CD109: variants seen among roughly 807,000 people sequenced by gnomAD.
The protein encoded by CD109 is CD109 molecule, also known as CD109 antigen.
CD109 carries 149 observed loss-of-function variants against 165.8 expected under a neutral mutation model. The observed-to-expected ratio is 0.90, with a 90% CI of 0.79 to 1.03. The LOEUF (loss-of-function observed/expected upper bound fraction) is 1.03. Among genes scored for constraint, CD109 ranks in the 50% least tolerant of loss-of-function variants. The pLI, the probability that CD109 is intolerant of heterozygous loss-of-function variation, is 0.00. For missense variants in CD109, 1,712 were observed against 1,677.8 expected, an observed-to-expected ratio of 1.02 and a Z score of -0.36; for synonymous variants, 585 against 592.1, an observed-to-expected ratio of 0.99 and a Z score of 0.18.
chr6:73,743,304 T>C (rs1282736598), intron 5 of CD109, among the ~76,000 whole-genome samples: 2 of 152,216 alleles, frequency 1.3e-5, no homozygotes, highest in Non-Finnish European at 2.9e-5. Context: ...CTTAAGCCAT[T>C]GTTAGAGGTG....
chr6:73,794,893 T>C (rs1002802262), intron 23 of CD109, among the ~76,000 whole-genome samples: 3 of 151,956 alleles, frequency 2.0e-5, no homozygotes, highest in Admixed American at 1.3e-4. Flanking sequence ...ATTGGTCGTG[T>C]TTTAAATATA....
At chr6:73,745,556 A>G (rs1772952862) in intron 5 of CD109, among the ~76,000 whole-genome samples, 1 of 152,138 alleles carries the variant, frequency 6.6e-6, no homozygotes, top group South Asian at 2.1e-4. Context: ...ATTGTTCCCA[A>G]CGTGTCCCAG....
chr6:73,762,536 A>G, intron 8 of CD109, 56 bp downstream of exon 8: 1 of 1,225,660 alleles, frequency 8.2e-7, no homozygotes, highest in Non-Finnish European at 1.2e-6. Context: ...GTATTTTTCT[A>G]GAAATAAGAT....
rs1173713958 is a variant in CD109 at position 73,825,300 on chromosome 6, A to G, written c.*1667A>G. 3 of 152,188 alleles carry G rather than the reference A, an allele frequency of 2.0e-5. No homozygotes were observed. Among genetic ancestry groups the G allele is most frequent in the Admixed American group, 6.5e-5 (1 of 15,276 alleles). The allele number at this position is 152,188 out of a possible 1,614,324, so 9.4% of individuals were successfully genotyped here. On this transcript the variant is annotated 3_prime_UTR_variant, in exon 33 of 33. Transcript: ENST00000287097. ...CTTGCCTTTTTTTCTTAAGTGGGGAAAAGTTTCTAGATCTCTTACACCTCT... is the reference window on the plus strand; with the variant it reads ...CTTGCCTTTTTTTCTTAAGTGGGGAGAAGTTTCTAGATCTCTTACACCTCT...
intron 6 of CD109, among the ~76,000 whole-genome samples, 168 bp downstream of exon 6, chr6:73,756,850 A>T (rs1773412331): frequency 1.3e-5 from 2 of 152,120 alleles, no homozygotes; most frequent in South Asian, 4.1e-4. Context: ...TAAAAATTCT[A>T]AAATCTCATT....
At chr6:73,709,421 A>T (rs1771437887) in intron 2 of CD109, among the ~76,000 whole-genome samples, 1 of 152,140 alleles carries the variant, frequency 6.6e-6, no homozygotes, top group Admixed American at 6.5e-5. Flanking sequence ...GTATAGTTTG[A>T]AGTCAGGTAG....
At chr6:73,712,078 C>T (rs181701294) in intron 2 of CD109, among the ~76,000 whole-genome samples, 143 of 152,264 alleles carry the variant, frequency 9.4e-4, no homozygotes, top group Non-Finnish European at 1.8e-3. Context: ...GGTATGGTGG[C>T]GCATGCCTCT....
upstream of CD109, chr6:73,696,003 C>A (rs1042435105): frequency 1.9e-6 from 1 of 536,426 alleles, no homozygotes; most frequent in South Asian, 2.1e-5. Context: ...GCCACAGCAG[C>A]GAGAAGCGCC....
At chr6:73,701,121 T>C (rs1032515564) in intron 2 of CD109, among the ~76,000 whole-genome samples, 1 of 151,698 alleles carries the variant, frequency 6.6e-6, no homozygotes, top group African/African-American at 2.4e-5. Flanking sequence ...TTTTTTTTTT[T>C]TTTGGTGAAT....
At chr6:73,789,697 T>G (rs1013195016) in intron 22 of CD109, among the ~76,000 whole-genome samples, 2 of 151,828 alleles carry the variant, frequency 1.3e-5, no homozygotes, top group Admixed American at 1.3e-4. Flanking sequence ...CCTGACTTCA[T>G]GATCCACCCG....
intron 23 of CD109, among the ~76,000 whole-genome samples, chr6:73,795,871 G>A (rs993777724): frequency 2.0e-5 from 3 of 152,132 alleles, no homozygotes; most frequent in Non-Finnish European, 4.4e-5. Context: ...AGGAGTCAGT[G>A]AGAATAAAAG....
In CD109 at chr6:73,728,824, A is replaced by T. The variant is rs190326458; in HGVS notation, c.277-1520A>T. Among the ~76,000 whole-genome samples the T allele has an allele frequency of 2.0e-5, 3 of 152,374 alleles. No homozygotes were observed. In the East Asian group the frequency reaches 5.8e-4, roughly 29 times the overall value. ...TAATATGAAAATCAACTAAAAGTCA[A>T]GCATGCTAGTTATCTATTGCTAAGT... On this transcript the variant is annotated intron_variant, in intron 3 of 32. Transcript: ENST00000287097.
Position 73,765,937 on chromosome 6 carries a change from T to A in CD109, c.1115T>A (p.Val372Glu). Residue 372 changes from valine to glutamate, a missense_variant, in exon 11 of 33, where the codon GTA (valine) becomes GAA (glutamate). Transcript: ENST00000287097. ...PSLNFTATVK[V>E]TRADGNQLTL... ...TTTTGTTTTGACCATTAGGTGAAGG[T>A]AACTCGTGCTGATGGCAACCAACTG... 1 of 1,611,724 alleles carries A rather than the reference T, an allele frequency of 6.2e-7. No individual in the cohort carries two copies. Among genetic ancestry groups the A allele is most frequent in the South Asian group, 1.1e-5 (1 of 90,792 alleles).
intron 32 of CD109, 143 bp from the exon 33 acceptor site, chr6:73,823,315 T>A: frequency 1.5e-6 from 1 of 647,240 alleles, no homozygotes; most frequent in Non-Finnish European, 2.6e-6. Context: ...CTTGGACATT[T>A]CAGTTGTTTC....
At chr6:73,756,585 G>T in intron 5 of CD109, 58 bp from the exon 6 acceptor site, 1 of 1,184,854 alleles carries the variant, frequency 8.4e-7, no homozygotes, top group Non-Finnish European at 1.2e-6. Flanking sequence ...AAGTAAGCAA[G>T]CAAAATAAAT....
chr6:73,820,421 C>A, intron 31 of CD109, 40 bp from the exon 32 acceptor site: 1 of 1,104,618 alleles, frequency 9.1e-7, no homozygotes, highest in South Asian at 1.4e-5. Context: ...CATGAACACA[C>A]AGTGTGCCAA....
intron 30 of CD109, among the ~76,000 whole-genome samples, chr6:73,817,722 ATGT>A (rs1331856131): frequency 6.6e-6 from 1 of 152,184 alleles, no homozygotes; most frequent in African/African-American, 2.4e-5. Context: ...AGCAGACAAA[ATGT>A]TGTTGGTGCC....
intron 2 of CD109, among the ~76,000 whole-genome samples, chr6:73,719,290 C>T (rs1019103795): frequency 5.9e-5 from 9 of 152,060 alleles, no homozygotes; most frequent in Admixed American, 4.6e-4. Context: ...TGAAATAAGC[C>T]GCCCCCAGAT....
intron 20 of CD109, among the ~76,000 whole-genome samples, chr6:73,786,115 T>C (rs1774682893): frequency 1.3e-5 from 2 of 152,188 alleles, no homozygotes; most frequent in South Asian, 2.1e-4. Context: ...ATTACAGGCA[T>C]GAGCCACTGC....
Sources: allele counts gnomAD v4.1 joint callset (sites outside exome capture counted in the v4.1 genomes callset), GRCh38; gene constraint gnomAD v4.1.1; transcripts MANE v1.5; gene names NCBI Gene and HGNC (gene_info 2026-07-23, HGNC 2026-07-21).